PRKCA: variants seen among roughly 807,000 people sequenced by gnomAD.
PRKCA encodes the protein protein kinase C alpha type.
Under a neutral mutation model 87.0 loss-of-function variants are expected in PRKCA, and 27 were observed. The observed-to-expected ratio is 0.31, with a 90% CI of 0.23 to 0.43. The LOEUF is 0.43. Ranked by LOEUF, PRKCA falls within the 20% of genes least tolerant of loss-of-function variation. The pLI, the probability that PRKCA is intolerant of heterozygous loss-of-function variation, is 1.00. For missense variants in PRKCA, 518 were observed against 852.3 expected, an observed-to-expected ratio of 0.61 and a Z score of 4.88; for synonymous variants, 329 against 311.1, an observed-to-expected ratio of 1.06 and a Z score of -0.61.
chr17:66,649,394 A>G (rs749846599), intron 5 of PRKCA, among the ~76,000 whole-genome samples: 3 of 152,228 alleles, frequency 2.0e-5, no homozygotes, highest in Non-Finnish European at 4.4e-5. Context: ...TTTATTGTTC[A>G]TAGGACTGGA....
chr17:66,356,837 C>G (rs1279619872), intron 2 of PRKCA, among the ~76,000 whole-genome samples: 1 of 152,168 alleles, frequency 6.6e-6, no homozygotes, highest in Non-Finnish European at 1.5e-5. Context: ...TCACTGCAGC[C>G]TCCACCTCTT....
chr17:66,752,651 G>C (rs943179073), intron 13 of PRKCA, among the ~76,000 whole-genome samples: 2 of 152,158 alleles, frequency 1.3e-5, no homozygotes, highest in African/African-American at 2.4e-5. Flanking sequence ...ATCAGGACCC[G>C]GCAGGTGGAC....
chr17:66,798,572 GTGGTGA>G, intron 16 of PRKCA, among the ~76,000 whole-genome samples: 1 of 17,538 alleles, frequency 5.7e-5, no homozygotes, highest in Non-Finnish European at 1.3e-4. Context: ...GGTGGTGGTG[GTGGTGA>G]TGGTGGTGGT....
intron 14 of PRKCA, among the ~76,000 whole-genome samples, chr17:66,785,656 C>T (rs1190896603): frequency 1.3e-5 from 2 of 152,192 alleles, no homozygotes; most frequent in Non-Finnish European, 2.9e-5. Flanking sequence ...GTTCAAAGGG[C>T]ATTGTGAGCT....
intron 14 of PRKCA, chr17:66,777,421 T>TGGGGTGGGGG: frequency 3.9e-6 from 1 of 256,690 alleles, no homozygotes; most frequent in Non-Finnish European, 5.8e-6. Context: ...TTTATTTAGT[T>TGGGGTGGGGG]CCCCTCCCCC....
chr17:66,557,201 T>A (rs1383880554), intron 3 of PRKCA, among the ~76,000 whole-genome samples: 1 of 152,212 alleles, frequency 6.6e-6, no homozygotes, highest in East Asian at 1.9e-4. Flanking sequence ...GGAGAGAATA[T>A]TATCTACAGT....
At chr17:66,573,703 A>G (rs560262835) in intron 3 of PRKCA, among the ~76,000 whole-genome samples, 3 of 152,344 alleles carry the variant, frequency 2.0e-5, no homozygotes, top group East Asian at 3.9e-4. Flanking sequence ...GTTGTTTTTA[A>G]CAAGCTATAT....
intron 2 of PRKCA, among the ~76,000 whole-genome samples, chr17:66,388,852 C>T (rs967173468): frequency 8.5e-5 from 13 of 152,206 alleles, no homozygotes; most frequent in Admixed American, 7.2e-4. Context: ...GTCATTGGTC[C>T]GCAGAGCCGT....
At chr17:66,331,682 G>A (rs1306352789) in intron 2 of PRKCA, among the ~76,000 whole-genome samples, 2 of 152,158 alleles carry the variant, frequency 1.3e-5, no homozygotes, top group African/African-American at 4.8e-5. Context: ...AAGTCATTGG[G>A]CAGAGAAAAC....
chr17:66,713,052 T>TTC (rs1973373147), intron 8 of PRKCA, among the ~76,000 whole-genome samples: 1 of 133,826 alleles, frequency 7.5e-6, no homozygotes, highest in African/African-American at 2.8e-5. Flanking sequence ...TGTTGTCCTT[T>TTC]TTTTTTTTTT....
At chr17:66,547,520 T>C (rs924745697) in intron 3 of PRKCA, among the ~76,000 whole-genome samples, 3 of 152,204 alleles carry the variant, frequency 2.0e-5, no homozygotes, top group African/African-American at 7.2e-5. Flanking sequence ...AGTTGAGTGC[T>C]GGTTTCACTA....
At chr17:66,790,409 C>A (rs1329086108) in intron 16 of PRKCA, among the ~76,000 whole-genome samples, 1 of 114,428 alleles carries the variant, frequency 8.7e-6, no homozygotes, top group Non-Finnish European at 2.0e-5. Context: ...ACACTGATTT[C>A]AGGGGGGTCT....
chr17:66,485,668 A>G (rs1017618600), intron 2 of PRKCA, among the ~76,000 whole-genome samples: 3 of 152,038 alleles, frequency 2.0e-5, no homozygotes, highest in African/African-American at 7.3e-5. Flanking sequence ...AGATGTCCAT[A>G]CTGCCGGCAG....
At chr17:66,738,907 T>A in intron 11 of PRKCA, 52 bp downstream of exon 11, 1 of 1,378,908 alleles carries the variant, frequency 7.3e-7, no homozygotes, top group Non-Finnish European at 9.9e-7. Context: ...TCCTACCAAC[T>A]GGAAACTTCC....
intron 3 of PRKCA, among the ~76,000 whole-genome samples, chr17:66,549,147 T>TG (rs1284840915): frequency 6.6e-6 from 1 of 151,754 alleles, no homozygotes; most frequent in Non-Finnish European, 1.5e-5. Flanking sequence ...GGCAGTTTTT[T>TG]TTTTTTTTTT....
At chr17:66,652,889 T>C (rs747319601) in intron 5 of PRKCA, among the ~76,000 whole-genome samples, 2 of 152,246 alleles carry the variant, frequency 1.3e-5, no homozygotes, top group Admixed American at 6.5e-5. Flanking sequence ...CCAACGCCTT[T>C]CCTTTTGTGG....
At chr17:66,753,894 C>A (rs1284185330) in intron 13 of PRKCA, among the ~76,000 whole-genome samples, 1 of 152,126 alleles carries the variant, frequency 6.6e-6, no homozygotes, top group African/African-American at 2.4e-5. Context: ...AGCCTCCAGA[C>A]CCAAGAGAAA....
intron 14 of PRKCA, among the ~76,000 whole-genome samples, chr17:66,784,766 C>T (rs1213182435): frequency 6.6e-6 from 1 of 152,204 alleles, no homozygotes; most frequent in Non-Finnish European, 1.5e-5. Flanking sequence ...GCCTGCCTGC[C>T]CTGCCCTCTA....
chr17:66,410,492 A>T (rs1911719032), intron 2 of PRKCA, among the ~76,000 whole-genome samples: 1 of 152,166 alleles, frequency 6.6e-6, no homozygotes. Flanking sequence ...ACCTTAGCTT[A>T]AAAAATATTG....
Sources: allele counts gnomAD v4.1 joint callset (sites outside exome capture counted in the v4.1 genomes callset), GRCh38; gene constraint gnomAD v4.1.1; transcripts MANE v1.5; gene names NCBI Gene and HGNC (gene_info 2026-07-23, HGNC 2026-07-21).